SEC16B: variants seen among roughly 807,000 people sequenced by gnomAD.
SEC16B encodes the protein protein transport protein Sec16B.
A neutral mutation model predicts 141.8 loss-of-function variants in SEC16B; 115 were observed. The observed-to-expected ratio is 0.81, with a 90% CI of 0.70 to 0.95. SEC16B has a LOEUF of 0.95. Ranked by LOEUF, SEC16B falls within the 40% of genes least tolerant of loss-of-function variation. SEC16B has a pLI of 0.00. For synonymous variants in SEC16B, 493 were observed against 492.5 expected, an observed-to-expected ratio of 1.00 and a Z score of -0.01; for missense variants, 1,291 against 1,312.3, an observed-to-expected ratio of 0.98 and a Z score of 0.25.
At chr1:177,952,189 C>G (rs1652246960) in intron 11 of SEC16B, among the ~76,000 whole-genome samples, 194 bp from the exon 12 acceptor site, 1 of 152,218 alleles carries the variant, frequency 6.6e-6, no homozygotes, top group Non-Finnish European at 1.5e-5. Flanking sequence ...CATTCTACCG[C>G]ACACCCCAGC....
At chr1:177,980,226 C>G (rs1654349218) in intron 1 of SEC16B, among the ~76,000 whole-genome samples, 1 of 152,094 alleles carries the variant, frequency 6.6e-6, no homozygotes, top group East Asian at 1.9e-4. Flanking sequence ...AGATGTCATT[C>G]ATTAAATAAA....
At chr1:177,935,458 CAT>C (rs1650765071) in intron 20 of SEC16B, among the ~76,000 whole-genome samples, 1 of 152,054 alleles carries the variant, frequency 6.6e-6, no homozygotes, top group Admixed American at 6.5e-5. Flanking sequence ...GCTTTGCATA[CAT>C]ATGTTCTTAG....
chr1:177,979,138 C>G (rs10753175), intron 1 of SEC16B, among the ~76,000 whole-genome samples: 1 of 151,976 alleles, frequency 6.6e-6, no homozygotes, highest in African/African-American at 2.4e-5. Flanking sequence ...TTAGTAATAG[C>G]CATGTAATAT....
At chr1:177,965,693 T>C (rs1653461643) in intron 3 of SEC16B, among the ~76,000 whole-genome samples, 200 bp downstream of exon 3, 1 of 152,206 alleles carries the variant, frequency 6.6e-6, no homozygotes, top group Non-Finnish European at 1.5e-5. Flanking sequence ...AGTACCATCA[T>C]CTATGCATAC....
chr1:177,939,576 G>A (rs188826768), intron 18 of SEC16B, 126 bp downstream of exon 18: 12 of 763,346 alleles, frequency 1.6e-5, no homozygotes, highest in African/African-American at 1.2e-4. Context: ...ACAACGGGGC[G>A]GACTTACACA....
intron 11 of SEC16B, among the ~76,000 whole-genome samples, 156 bp downstream of exon 11, chr1:177,954,123 A>T (rs1281137558): frequency 6.6e-6 from 1 of 152,238 alleles, no homozygotes; most frequent in Non-Finnish European, 1.5e-5. Flanking sequence ...TCTAAAACAG[A>T]GAAATGCTAT....
intron 19 of SEC16B, among the ~76,000 whole-genome samples, chr1:177,936,989 G>A (rs545111606): frequency 3.0e-4 from 45 of 152,296 alleles, no homozygotes; most frequent in Non-Finnish European, 5.3e-4. Flanking sequence ...ACCCAGTGGA[G>A]AGATGGACTG....
chr1:177,963,636 C>T (rs1045835725), intron 5 of SEC16B, among the ~76,000 whole-genome samples: 6 of 152,098 alleles, frequency 3.9e-5, no homozygotes, highest in Non-Finnish European at 8.8e-5. Context: ...AGTATATTTG[C>T]AAATTTTCCA....
Position 177,965,173 on chromosome 1 carries a change from C to T in SEC16B, c.413-6G>A, listed in dbSNP as rs751735579. 19 of 1,612,596 alleles carry T rather than the reference C, an allele frequency of 1.2e-5. No homozygotes were observed. Among genetic ancestry groups the T allele is most frequent in the Admixed American group, 1.7e-5 (1 of 59,866 alleles). ...AGGACTCCGTTGCCTTGGCACTGCACCCTCAGAGAAAACAAAATCAAGACA... is the reference window on the plus strand; with the variant it reads ...AGGACTCCGTTGCCTTGGCACTGCATCCTCAGAGAAAACAAAATCAAGACA... On this transcript the variant is annotated splice_polypyrimidine_tract_variant and splice_region_variant and intron_variant, in intron 3 of 25. Transcript: ENST00000308284.
At chr1:177,969,474 A>G (rs1411070876) in intron 1 of SEC16B, among the ~76,000 whole-genome samples, 1 of 152,204 alleles carries the variant, frequency 6.6e-6, no homozygotes, top group Non-Finnish European at 1.5e-5. Flanking sequence ...TCCCAGACAC[A>G]GGGAAGGGCA....
upstream of SEC16B, among the ~76,000 whole-genome samples, chr1:177,972,945 A>G (rs1571358728): frequency 6.6e-6 from 1 of 152,284 alleles, no homozygotes; most frequent in East Asian, 1.9e-4. Flanking sequence ...GGCCATCTGC[A>G]AACCAGGAAG....
chr1:177,963,514 A>G (rs547824906), intron 5 of SEC16B, among the ~76,000 whole-genome samples: 2 of 151,954 alleles, frequency 1.3e-5, no homozygotes, highest in Non-Finnish European at 2.9e-5. Flanking sequence ...GAGGCAGGAG[A>G]TTCGCTTGAA....
rs770173945 is a variant in SEC16B, at chr1:177,933,465, GAA to G, written c.2724+17_2724+18del. On this transcript the variant is annotated intron_variant, in intron 21 of 25. Coordinates refer to ENST00000308284, the MANE Select transcript of SEC16B (RefSeq NM_033127.4). ...GGCAGGGGAAGGAAGGCAGGGGAGA[GAA>G]GAACAAGTCCCTCCACCTTTGTATG... The G allele has an allele frequency of 1.2e-6, 2 of 1,609,126 alleles. No individual in the cohort carries two copies. Among genetic ancestry groups the G allele is most frequent in the Middle Eastern group, 1.7e-4 (1 of 6,060 alleles).
chr1:177,929,958 A>G (rs1314034701), intron 25 of SEC16B, 29 bp from the exon 26 acceptor site: 1 of 1,609,982 alleles, frequency 6.2e-7, no homozygotes. Context: ...TATTACACTG[A>G]GTACAGCCCC....
chr1:177,938,642 C>T (rs1453540554), intron 18 of SEC16B, among the ~76,000 whole-genome samples: 2 of 152,170 alleles, frequency 1.3e-5, no homozygotes, highest in African/African-American at 4.8e-5. Flanking sequence ...TTAACACTGC[C>T]TTGTATGATC....
intron 5 of SEC16B, among the ~76,000 whole-genome samples, chr1:177,962,223 C>T (rs1478634882): frequency 6.6e-6 from 1 of 151,962 alleles, no homozygotes; most frequent in Non-Finnish European, 1.5e-5. Context: ...ACAGGCACGC[C>T]ACCACGCCCA....
At chr1:177,952,451 A>C (rs572809369) in intron 11 of SEC16B, among the ~76,000 whole-genome samples, 72 of 152,296 alleles carry the variant, frequency 4.7e-4, no homozygotes, top group Middle Eastern at 3.4e-3. Context: ...TTTCTGGCTC[A>C]TCAAGAGCCT....
chr1:177,937,532 G>C lies in SEC16B; in HGVS notation c.2204-19C>G. 1 of 1,491,526 alleles carries C rather than the reference G, an allele frequency of 6.7e-7. No individual in the cohort carries two copies. Among genetic ancestry groups the C allele is most frequent in the Non-Finnish European group, 8.9e-7 (1 of 1,119,642 alleles). The allele number at this position is 1,491,526 out of a possible 1,614,324, so 92.4% of individuals were successfully genotyped here. A position where few individuals can be genotyped will look rare whatever the true frequency, so the allele number is the denominator to read the frequency against. The stretch of plus-strand genomic sequence containing the variant: ...GTGTTTTCTAAGGACGTGGAACAAA[G>C]GTAAAGAAGTCAGACCTGAAATGCG... On this transcript the variant is annotated intron_variant, in intron 18 of 25. Coordinates refer to ENST00000308284, the MANE Select transcript of SEC16B (RefSeq NM_033127.4).
rs1650255339 is a variant in SEC16B at position 177,929,490 on chromosome 1, T to G, written c.*368A>C. On this transcript the variant is annotated 3_prime_UTR_variant, in exon 26 of 26. Coordinates refer to ENST00000308284, the MANE Select transcript of SEC16B (RefSeq NM_033127.4). Reference sequence around the variant, plus strand: ...CCCTGCCCCTCCCCCTGCTTCCCATTTCTTGCTACAGGGCCCTGCGGTATC... The same window carrying G: ...CCCTGCCCCTCCCCCTGCTTCCCATGTCTTGCTACAGGGCCCTGCGGTATC... 4.1e-6 allele frequency: 1 copy of G among 243,498 alleles called. No individual in the cohort carries two copies. The highest frequency in any genetic ancestry group is 5.0e-5 in the Admixed American group (1 of 19,842). The allele number at this position is 243,498 out of a possible 1,614,324, so 15.1% of individuals were successfully genotyped here.
Sources: gnomAD v4.1 joint callset for allele counts (sites outside exome capture counted in the v4.1 genomes callset) on GRCh38, gnomAD v4.1.1 for gene constraint, MANE v1.5 for transcripts, NCBI Gene and HGNC (gene_info 2026-07-23, HGNC 2026-07-21) for gene names.